ATP8A1: variants seen among roughly 807,000 people sequenced by gnomAD.
The protein encoded by ATP8A1 is ATPase phospholipid transporting 8A1, also known as phospholipid-transporting ATPase IA.
In ATP8A1, 90 loss-of-function variants were observed where a neutral mutation model predicts 177.7. The ratio of observed to expected loss-of-function variants is 0.51; its 90% CI spans 0.43 to 0.60. ATP8A1 has a LOEUF of 0.60. ATP8A1 is among the 20% of genes least tolerant of loss of function. ATP8A1 has a pLI of 0.00. For synonymous variants in ATP8A1, 493 were observed against 485.9 expected (o/e 1.01, Z -0.19); for missense variants, 1,072 against 1,392.8 (o/e 0.77, Z 3.67).
Position 42,624,638 on chromosome 4 carries a change from T to C in ATP8A1, c.265-4A>G, listed in dbSNP as rs779544512. ...TTGGTGACACATCAGGTATTTGCTG[T>C]TTGGAAAAAAAAAAAAAAGAGAAAT... On this transcript the variant is annotated splice_region_variant and splice_polypyrimidine_tract_variant and intron_variant, in intron 3 of 36. Coordinates refer to ENST00000381668, the MANE Select transcript of ATP8A1 (RefSeq NM_006095.2). 6.2e-6 allele frequency: 8 copies of C among 1,283,740 alleles called. No homozygotes were observed. The highest frequency in any genetic ancestry group is 2.0e-5 in the South Asian group (1 of 49,450). The allele number at this position is 1,283,740 out of a possible 1,614,324, so 79.5% of individuals were successfully genotyped here. A position where few individuals can be genotyped will look rare whatever the true frequency, so the allele number is the denominator to read the frequency against.
chr4:42,418,867 T>G (rs1488304236), intron 35 of ATP8A1, among the ~76,000 whole-genome samples: 1 of 152,174 alleles, frequency 6.6e-6, no homozygotes, highest in Non-Finnish European at 1.5e-5. Context: ...TTTCTGAAAA[T>G]GAACAAAGAT....
chr4:42,590,740 G>T, intron 7 of ATP8A1, 71 bp downstream of exon 7: 1 of 1,375,446 alleles, frequency 7.3e-7, no homozygotes, highest in Non-Finnish European at 1.0e-6. Context: ...AACCATATTT[G>T]GGTGCAACTG....
At chr4:42,446,103 A>AAAAAAAAAAAAAAAAAAAAAAAG in intron 31 of ATP8A1, among the ~76,000 whole-genome samples, 1 of 107,960 alleles carries the variant, frequency 9.3e-6, no homozygotes, top group East Asian at 4.5e-4. Context: ...AAAAAAAGAG[A>AAAAAAAAAAAAAAAAAAAAAAAG]AGAGATATAG....
rs771608826 is a variant in ATP8A1, at chr4:42,543,897, AAAT to A, written c.1722+17_1722+19del. 3.8e-6 allele frequency: 6 copies of A among 1,568,230 alleles called. No individual in the cohort carries two copies. The East Asian group carries it at 1.4e-4, about 36-fold the overall frequency. ...AACCATCATAAATTATAACTGTAAA[AAAT>A]AAAAATAAAAACTTACAGCTCCTTT... On this transcript the variant is annotated intron_variant, in intron 20 of 36. Coordinates refer to ENST00000381668, the MANE Select transcript of ATP8A1 (RefSeq NM_006095.2).
chr4:42,612,759 T>G (rs1736498398), intron 5 of ATP8A1, among the ~76,000 whole-genome samples: 1 of 152,014 alleles, frequency 6.6e-6, no homozygotes, highest in Non-Finnish European at 1.5e-5. Context: ...AAACAGGGCA[T>G]CCAATAAGCA....
At chr4:42,600,441 TTTC>T (rs779784768) in intron 6 of ATP8A1, 34 bp downstream of exon 6, 35 of 1,581,360 alleles carry the variant, frequency 2.2e-5, no homozygotes, top group Non-Finnish European at 2.8e-5. Context: ...CCGCTATGTA[TTTC>T]TTCTCCTGGA....
intron 24 of ATP8A1, among the ~76,000 whole-genome samples, chr4:42,500,248 C>T (rs1723721412): frequency 6.6e-6 from 1 of 152,054 alleles, no homozygotes; most frequent in African/African-American, 2.4e-5. Flanking sequence ...GCCTGTGATC[C>T]CAGCTACTCG....
At position 42,575,631 on chromosome 4, in the gene ATP8A1, T is replaced by C; in HGVS notation, c.1197A>G (p.Glu399=). ...AMARTSNLNE[E]LGQVKYIFSD... is the part of the protein sequence containing the mutation. ...AATAAATTGAGTTTACCTGGCCAAGTTCCTCATTCAGATTAGATGTTCGAG... is the reference window on the plus strand; with the variant it reads ...AATAAATTGAGTTTACCTGGCCAAGCTCCTCATTCAGATTAGATGTTCGAG... The change falls in exon 13 of 37, where the codon GAA becomes GAG. Residue 399 remains glutamate (E), a synonymous_variant. Transcript: ENST00000381668. 6.2e-7 allele frequency: 1 copy of C among 1,613,336 alleles called. No individual in the cohort carries two copies. The highest frequency in any genetic ancestry group is 8.5e-7 in the Non-Finnish European group (1 of 1,179,472).
intron 1 of ATP8A1, among the ~76,000 whole-genome samples, chr4:42,636,657 T>TTA (rs1391089377): frequency 6.6e-6 from 1 of 151,890 alleles, no homozygotes; most frequent in African/African-American, 2.4e-5. Flanking sequence ...CTGTACCGAG[T>TTA]GTTAATGCAG....
chr4:42,592,667 T>G (rs2109373181), intron 6 of ATP8A1, among the ~76,000 whole-genome samples: 1 of 152,258 alleles, frequency 6.6e-6, no homozygotes. Context: ...CAGGCATTTT[T>G]GTCACTGTGT....
chr4:42,499,014 C>T (rs1455699731), intron 24 of ATP8A1, among the ~76,000 whole-genome samples: 4 of 152,030 alleles, frequency 2.6e-5, no homozygotes, highest in Non-Finnish European at 5.9e-5. Context: ...TGTGATTGTC[C>T]CTATAAAGTC....
chr4:42,500,734 C>A (rs1004717233), intron 24 of ATP8A1, among the ~76,000 whole-genome samples: 2 of 152,172 alleles, frequency 1.3e-5, no homozygotes, highest in Admixed American at 1.3e-4. Context: ...TGAACCAAGG[C>A]AGAAAGACCT....
At position 42,470,592 on chromosome 4, in the gene ATP8A1, T is replaced by G. The variant is rs138330499; in HGVS notation, c.2325-5516A>C. ...ATTAATAACCTAAAAAATTCTTACA[T>G]ATACACAAAATTATACTGATAATAT... On this transcript the variant is annotated intron_variant, in intron 25 of 36. Coordinates refer to ENST00000381668, the MANE Select transcript of ATP8A1 (RefSeq NM_006095.2). Among the ~76,000 whole-genome samples, 639 of 152,288 alleles carry G rather than the reference T, an allele frequency of 4.2e-3. 2 individuals are homozygous for G. The highest frequency in any genetic ancestry group is 0.013 in the East Asian group (67 of 5,192).
rs750010426 is a variant in ATP8A1 at position 42,556,047 on chromosome 4, G to C, written c.1341-7C>G. The C allele has an allele frequency of 1.2e-6, 2 of 1,605,944 alleles. No individual in the cohort carries two copies. Among genetic ancestry groups the C allele is most frequent in the African/African-American group, 1.3e-5 (1 of 74,718 alleles). On this transcript the variant is annotated splice_region_variant and splice_polypyrimidine_tract_variant and intron_variant, in intron 15 of 36. Coordinates refer to ENST00000381668, the MANE Select transcript of ATP8A1 (RefSeq NM_006095.2). ...TCCAAACTGTGAGTTCTGCCTGAAGGGGGTAAAAAATAGAGTAAACCCAGT... is the reference window on the plus strand; with the variant it reads ...TCCAAACTGTGAGTTCTGCCTGAAGCGGGTAAAAAATAGAGTAAACCCAGT...
intron 1 of ATP8A1, among the ~76,000 whole-genome samples, chr4:42,646,210 C>T (rs538322969): frequency 6.6e-6 from 1 of 152,280 alleles, no homozygotes; most frequent in South Asian, 2.1e-4. Flanking sequence ...ATGCTGAGCA[C>T]TGGAGTCCAA....
intron 35 of ATP8A1, among the ~76,000 whole-genome samples, chr4:42,419,214 C>T (rs1713581788): frequency 6.6e-6 from 1 of 152,208 alleles, no homozygotes; most frequent in South Asian, 2.1e-4. Context: ...TTCTTTCATC[C>T]ATTCTTTAGT....
chr4:42,424,412 T>C (rs1288701756), intron 33 of ATP8A1, among the ~76,000 whole-genome samples: 3 of 152,034 alleles, frequency 2.0e-5, no homozygotes, highest in Admixed American at 2.0e-4. Flanking sequence ...GCAAAAGAAA[T>C]ATTTTGGTTT....
chr4:42,545,671 T>G (rs889807348), intron 19 of ATP8A1, among the ~76,000 whole-genome samples: 8 of 152,104 alleles, frequency 5.3e-5, no homozygotes, highest in African/African-American at 1.9e-4. Flanking sequence ...GATAAAAACC[T>G]CAGATAAGAA....
At position 42,624,559 on chromosome 4, in the gene ATP8A1, T is replaced by C; in HGVS notation, c.340A>G (p.Ile114Val). The change falls in exon 4 of 37, where the codon ATC (isoleucine) becomes GTC (valine). Residue 114 changes from isoleucine (I) to valine (V), a missense_variant. This residue lies in a region of ATP8A1 where 344 missense variants were observed against 393.5 expected (regional missense o/e 0.87). Coordinates refer to ENST00000381668, the MANE Select transcript of ATP8A1 (RefSeq NM_006095.2). The part of the protein sequence containing the change: ...PLLFILAVAA[I>V]KEIIEDIKRH... ...ACAATATCTTCTATTATCTCTTTGA[T>C]AGCTGCCACAGCTAAAATAAATAAG... 6.7e-7 allele frequency: 1 copy of C among 1,492,716 alleles called. No individual in the cohort carries two copies. The highest frequency in any genetic ancestry group is 1.5e-5 in the South Asian group (1 of 68,192). The allele number at this position is 1,492,716 out of a possible 1,614,324, so 92.5% of individuals were successfully genotyped here.
Sources: allele counts gnomAD v4.1 joint callset (sites outside exome capture counted in the v4.1 genomes callset), GRCh38; gene constraint gnomAD v4.1.1; regional missense constraint gnomAD v4.1.1; transcripts MANE v1.5; gene names NCBI Gene and HGNC (gene_info 2026-07-23, HGNC 2026-07-21).